The following ACOXL variants were observed in gnomAD, a reference collection of about 807,000 sequenced individuals.
ACOXL encodes the protein acyl-CoA oxidase like.
ACOXL carries 70 observed loss-of-function variants against 71.9 expected under a neutral mutation model. That is an observed-to-expected ratio of 0.97 (90% confidence interval 0.80 to 1.19). The LOEUF (loss-of-function observed/expected upper bound fraction) is 1.19. Ranked by LOEUF, ACOXL falls within the 50% of genes most tolerant of loss-of-function variation. The probability of loss-of-function intolerance (pLI) is 0.00; values close to 1 mark genes in which losing one functional copy is unlikely to be tolerated. For missense variants in ACOXL, 703 were observed against 736.3 expected, an observed-to-expected ratio of 0.95 and a Z score of 0.52; for synonymous variants, 253 against 281.6, an observed-to-expected ratio of 0.90 and a Z score of 1.02.
chr2:110,818,451 G>GTGTGTGTGTATA (rs1373497384), intron 9 of ACOXL, among the ~76,000 whole-genome samples: 1 of 135,826 alleles, frequency 7.4e-6, no homozygotes, highest in African/African-American at 2.8e-5. Flanking sequence ...GTGTGTGTGT[G>GTGTGTGTGTATA]TATATATATA....
At chr2:111,049,313 T>C (rs2066168003) in intron 16 of ACOXL, 25 bp downstream of exon 16, 5 of 1,569,790 alleles carry the variant, frequency 3.2e-6, no homozygotes, top group South Asian at 1.1e-5. Context: ...AAAGAACTTA[T>C]TTCCTAAAGG....
At chr2:110,788,823 A>G (rs930136012) in intron 3 of ACOXL, among the ~76,000 whole-genome samples, 10 of 152,124 alleles carry the variant, frequency 6.6e-5, no homozygotes, top group South Asian at 2.1e-4. Context: ...TGTCTTTTCT[A>G]TTGGTGGTGG....
intron 1 of ACOXL, among the ~76,000 whole-genome samples, chr2:110,759,522 C>T (rs369067933): frequency 3.6e-4 from 55 of 151,992 alleles, no homozygotes; most frequent in Middle Eastern, 3.4e-3. Flanking sequence ...TCCATTTGCT[C>T]GGTAAATTTT....
At chr2:111,069,124 A>G (rs914212720) in intron 16 of ACOXL, among the ~76,000 whole-genome samples, 2 of 146,028 alleles carry the variant, frequency 1.4e-5, no homozygotes, top group African/African-American at 2.5e-5. Context: ...CACGTCCTTG[A>G]TGTGTCTCCC....
intron 13 of ACOXL, among the ~76,000 whole-genome samples, chr2:110,988,452 C>G (rs538142224): frequency 1.3e-5 from 2 of 152,118 alleles, no homozygotes; most frequent in South Asian, 4.1e-4. Flanking sequence ...AAAAAAAATA[C>G]TGACCCCAAC....
chr2:110,871,275 C>T (rs1021555225), intron 10 of ACOXL, among the ~76,000 whole-genome samples: 36 of 152,092 alleles, frequency 2.4e-4, no homozygotes, highest in African/African-American at 8.4e-4. Context: ...CCAGTGGTTT[C>T]TGTTGTGAAA....
At chr2:110,978,319 A>C (rs1190749337) in intron 12 of ACOXL, among the ~76,000 whole-genome samples, 1 of 152,202 alleles carries the variant, frequency 6.6e-6, no homozygotes, top group Non-Finnish European at 1.5e-5. Context: ...TTCTAAAGGC[A>C]CCTAATCGCA....
chr2:111,026,857 A>G (rs1184576245), intron 14 of ACOXL, among the ~76,000 whole-genome samples: 1 of 152,120 alleles, frequency 6.6e-6, no homozygotes, highest in Admixed American at 6.6e-5. Context: ...AAGCAAGAGG[A>G]GGAATGTGCA....
At chr2:111,087,806 TTAAAC>T (rs1182600188) in intron 16 of ACOXL, among the ~76,000 whole-genome samples, 1 of 152,186 alleles carries the variant, frequency 6.6e-6, no homozygotes, top group Non-Finnish European at 1.5e-5. Context: ...TGGGATCTAA[TTAAAC>T]TAAAGAGCTT....
intron 16 of ACOXL, among the ~76,000 whole-genome samples, 183 bp downstream of exon 16, chr2:111,049,471 G>T (rs774131215): frequency 6.6e-5 from 10 of 152,178 alleles, no homozygotes; most frequent in Non-Finnish European, 1.5e-4. Flanking sequence ...GCTGCCTGCG[G>T]AGTGCGGGAA....
intron 11 of ACOXL, among the ~76,000 whole-genome samples, chr2:110,932,690 A>G (rs569788272): frequency 1.3e-5 from 2 of 152,342 alleles, no homozygotes; most frequent in African/African-American, 4.8e-5. Flanking sequence ...TTGGAACCTG[A>G]TCCTATGTGT....
intron 16 of ACOXL, among the ~76,000 whole-genome samples, chr2:111,083,044 G>T (rs565525292): frequency 6.6e-6 from 1 of 151,754 alleles, no homozygotes; most frequent in Admixed American, 6.6e-5. Flanking sequence ...GGGGGTTGGG[G>T]TTAGGGGAGG....
chr2:110,852,451 C>T (rs1448426284), intron 10 of ACOXL, among the ~76,000 whole-genome samples: 5 of 152,174 alleles, frequency 3.3e-5, no homozygotes, highest in Admixed American at 6.5e-5. Flanking sequence ...TTTGAATGAA[C>T]GGCTTAAATT....
chr2:110,765,785 C>T (rs1351435284), intron 1 of ACOXL, among the ~76,000 whole-genome samples: 6 of 152,272 alleles, frequency 3.9e-5, no homozygotes, highest in African/African-American at 9.6e-5. Flanking sequence ...TTAATCATCT[C>T]CCAGAGCCCC....
chr2:111,104,772 G>A (rs1044587791), intron 17 of ACOXL, among the ~76,000 whole-genome samples: 2 of 151,912 alleles, frequency 1.3e-5, no homozygotes, highest in Non-Finnish European at 2.9e-5. Context: ...TTTATAGCTT[G>A]CCTTCTTACT....
chr2:111,044,159 G>T (rs1339499165), intron 15 of ACOXL, among the ~76,000 whole-genome samples: 1 of 152,220 alleles, frequency 6.6e-6, no homozygotes, highest in Non-Finnish European at 1.5e-5. Flanking sequence ...GTGAGAAGCA[G>T]CCCTTTGGCC....
chr2:110,830,068 A>G (rs1689635640), intron 9 of ACOXL, among the ~76,000 whole-genome samples: 1 of 152,236 alleles, frequency 6.6e-6, no homozygotes, highest in South Asian at 2.1e-4. Context: ...TTGGGTACAC[A>G]GAAAGTCAAA....
chr2:110,848,113 T>C (rs1692144641), intron 10 of ACOXL, among the ~76,000 whole-genome samples: 1 of 152,240 alleles, frequency 6.6e-6, no homozygotes. Flanking sequence ...TATTGGATTT[T>C]GATTTCAAGT....
chr2:110,777,138 G>A (rs1682751887), intron 2 of ACOXL, among the ~76,000 whole-genome samples: 1 of 152,144 alleles, frequency 6.6e-6, no homozygotes, highest in African/African-American at 2.4e-5. Context: ...CTTTAGATGT[G>A]ATCATCTAAA....
Sources: gnomAD v4.1 joint callset for allele counts (sites outside exome capture counted in the v4.1 genomes callset) on GRCh38, gnomAD v4.1.1 for gene constraint, MANE v1.5 for transcripts, NCBI Gene and HGNC (gene_info 2026-07-23, HGNC 2026-07-21) for gene names.